Variants in FAM53A observed in about 807,000 individuals in gnomAD.
The protein encoded by FAM53A is family with sequence similarity 53 member A.
In FAM53A, 28 loss-of-function variants were observed where a neutral mutation model predicts 26.6. That is an observed-to-expected ratio of 1.05 (90% CI 0.78 to 1.45). FAM53A has a LOEUF of 1.45. FAM53A is among the 40% of genes most tolerant of loss of function. The pLI, the probability that FAM53A is intolerant of heterozygous loss-of-function variation, is 0.00. For missense variants in FAM53A, 650 were observed against 575.8 expected (o/e 1.13, Z -1.32); for synonymous variants, 290 against 253.1 (o/e 1.15, Z -1.38).
intron 4 of FAM53A, among the ~76,000 whole-genome samples, chr4:1,645,193 C>T (rs537621634): frequency 1.6e-3 from 220 of 139,646 alleles, no homozygotes; most frequent in African/African-American, 5.5e-3. Flanking sequence ...CCTCCTGCCA[C>T]AGGGAGGCAC....
At chr4:1,605,957 G>C in the FAM53A span, among the ~76,000 whole-genome samples, 1 of 151,882 alleles carries the variant, frequency 6.6e-6, no homozygotes, top group East Asian at 1.9e-4. The surrounding 1 kb of genome is among the most constrained non-coding windows in gnomAD (Gnocchi z 5.7). Context: ...TCTTTGTTTT[G>C]TAGGCAGCAT....
the FAM53A span, among the ~76,000 whole-genome samples, chr4:1,593,401 T>G: frequency 1.3e-5 from 2 of 152,114 alleles, no homozygotes; most frequent in African/African-American, 4.8e-5. Context: ...GGGCCGCCCC[T>G]GACAGTCGCC....
the FAM53A span, among the ~76,000 whole-genome samples, chr4:1,604,850 C>T: frequency 6.6e-6 from 1 of 152,168 alleles, no homozygotes; most frequent in Non-Finnish European, 1.5e-5. Flanking sequence ...GCGGCGGCTC[C>T]CCCAGTGCTC....
the FAM53A span, among the ~76,000 whole-genome samples, chr4:1,600,548 C>T: frequency 6.6e-6 from 1 of 152,228 alleles, no homozygotes; most frequent in Non-Finnish European, 1.5e-5. Context: ...TCCCTGCAGG[C>T]CCCACACGGC....
At chr4:1,582,747 A>T in the FAM53A span, among the ~76,000 whole-genome samples, 1 of 152,164 alleles carries the variant, frequency 6.6e-6, no homozygotes, top group South Asian at 2.1e-4. Flanking sequence ...CCTAGCTACT[A>T]GAGAGGGTGA....
At chr4:1,643,271 C>T (rs1214619435) in intron 4 of FAM53A, among the ~76,000 whole-genome samples, 2 of 152,118 alleles carry the variant, frequency 1.3e-5, no homozygotes, top group East Asian at 1.9e-4. Context: ...TCAAGACCAT[C>T]CTGGCTAACA....
the FAM53A span, among the ~76,000 whole-genome samples, chr4:1,609,831 C>G: frequency 6.6e-6 from 1 of 152,000 alleles, no homozygotes; most frequent in African/African-American, 2.4e-5. Flanking sequence ...GGCATGGTGG[C>G]AGGCGCCTGT....
intron 1 of FAM53A, among the ~76,000 whole-genome samples, chr4:1,680,990 T>C (rs1320235143): frequency 1.3e-5 from 2 of 152,200 alleles, no homozygotes; most frequent in Non-Finnish European, 2.9e-5. Context: ...ATAATAAGCA[T>C]GTGTCCATGT....
At chr4:1,587,544 T>C in the FAM53A span, among the ~76,000 whole-genome samples, 2 of 152,092 alleles carry the variant, frequency 1.3e-5, no homozygotes, top group South Asian at 2.1e-4. Flanking sequence ...TGGTGGTGCA[T>C]GCCTGTAATC....
chr4:1,649,176 A>AGGGAAG (rs149269189), intron 4 of FAM53A, among the ~76,000 whole-genome samples: 26,459 of 105,780 alleles, frequency 0.25, 3,347 homozygotes, highest in Middle Eastern at 0.33. Context: ...GGAAAGGGAA[A>AGGGAAG]GGGAAGGGGA....
chr4:1,578,701 G>A, the FAM53A span, among the ~76,000 whole-genome samples: 1 of 147,834 alleles, frequency 6.8e-6, no homozygotes, highest in African/African-American at 2.5e-5. Flanking sequence ...GCTCGGAGGA[G>A]GCAAGCAGCG....
At chr4:1,667,320 A>G (rs760346190) in intron 2 of FAM53A, among the ~76,000 whole-genome samples, 1 of 152,168 alleles carries the variant, frequency 6.6e-6, no homozygotes, top group Non-Finnish European at 1.5e-5. Context: ...AGAAAAAATG[A>G]GAACCGGCCA....
the FAM53A span, among the ~76,000 whole-genome samples, chr4:1,583,037 A>G: frequency 6.6e-6 from 1 of 152,198 alleles, no homozygotes; most frequent in Non-Finnish European, 1.5e-5. Flanking sequence ...GGGCAAACTC[A>G]CTGCTAGTTG....
intron 1 of FAM53A, among the ~76,000 whole-genome samples, chr4:1,672,174 GA>G: frequency 3.9e-5 from 1 of 25,446 alleles, no homozygotes; most frequent in African/African-American, 4.7e-5. Flanking sequence ...AGGAACCCAA[GA>G]ACCCACGGAC....
chr4:1,613,591 A>G (rs1714704780), downstream of FAM53A, among the ~76,000 whole-genome samples: 1 of 152,162 alleles, frequency 6.6e-6, no homozygotes, highest in South Asian at 2.1e-4. Context: ...TGAGATCCAC[A>G]CCGACGTGCG....
intron 2 of FAM53A, among the ~76,000 whole-genome samples, chr4:1,663,866 A>T (rs1337620646): frequency 6.6e-6 from 1 of 151,996 alleles, no homozygotes; most frequent in Admixed American, 6.6e-5. Context: ...AAGCTAAATC[A>T]ACTTTAATTT....
chr4:1,677,471 C>T (rs2109053393), intron 1 of FAM53A, among the ~76,000 whole-genome samples: 1 of 152,360 alleles, frequency 6.6e-6, no homozygotes, highest in South Asian at 2.1e-4. Flanking sequence ...ATGTCGGGAC[C>T]TGTCTTCACG....
the FAM53A span, among the ~76,000 whole-genome samples, chr4:1,577,727 CCTAT>C: frequency 9.2e-5 from 14 of 152,210 alleles, no homozygotes; most frequent in South Asian, 2.1e-4. Flanking sequence ...TGTTAATTGG[CCTAT>C]CTGACTCTGT....
the FAM53A span, among the ~76,000 whole-genome samples, chr4:1,612,817 A>G: frequency 0.013 from 2,025 of 152,330 alleles, 159 homozygotes; most frequent in East Asian, 0.24. Flanking sequence ...GGGTGCTTGC[A>G]TGCTCTCGGG....
Sources: gnomAD v4.1 joint callset for allele counts (sites outside exome capture counted in the v4.1 genomes callset) on GRCh38, gnomAD v4.1.1 for gene constraint, Gnocchi (gnomAD v3.1) non-coding constraint, MANE v1.5 for transcripts, NCBI Gene and HGNC (gene_info 2026-07-23, HGNC 2026-07-21) for gene names.